Variants in CUX2 observed in about 807,000 individuals in gnomAD.
CUX2 encodes the protein homeobox protein cut-like 2.
In CUX2, 40 loss-of-function variants were observed where a neutral mutation model predicts 144.8. The ratio of observed to expected loss-of-function variants is 0.28; its 90% CI spans 0.21 to 0.36. CUX2 has a LOEUF of 0.36. CUX2 is among the 10% of genes least tolerant of loss of function. The pLI, the probability that CUX2 is intolerant of heterozygous loss-of-function variation, is 1.00. For missense variants in CUX2, 1,615 were observed against 1,994.0 expected, an observed-to-expected ratio of 0.81 and a Z score of 3.62; for synonymous variants, 827 against 875.6, an observed-to-expected ratio of 0.94 and a Z score of 0.98.
chr12:111,237,736 C>T (rs1882829523), intron 3 of CUX2, among the ~76,000 whole-genome samples: 1 of 152,194 alleles, frequency 6.6e-6, no homozygotes, highest in Non-Finnish European at 1.5e-5. Context: ...TGCCTTGCTG[C>T]CCACTTGTGC....
chr12:111,265,053 G>A (rs746890578), intron 4 of CUX2, among the ~76,000 whole-genome samples: 13 of 152,026 alleles, frequency 8.6e-5, no homozygotes, highest in East Asian at 1.9e-4. Flanking sequence ...AATTGTTCAC[G>A]TTAAAATGAT....
At position 111,099,674 on chromosome 12, in the gene CUX2, T is replaced by A. The variant is rs189105526; in HGVS notation, c.63+65434T>A. On this transcript the variant is annotated intron_variant, in intron 1 of 21. Coordinates refer to ENST00000261726, the MANE Select transcript of CUX2 (RefSeq NM_015267.4). ...CTCAGGGGAAGGTGGGGGATGTCTC[T>A]GCCAGCTTTGGGGCTCCCAGTCTCT... 2.0e-3 allele frequency: 917 copies of A among 456,664 alleles called. 1 individual carries two copies. The highest frequency in any genetic ancestry group is 6.3e-3 in the Admixed American group (269 of 42,570). 28.3% of individuals were successfully genotyped at this position (456,664 alleles called of 1,614,324 possible).
intron 1 of CUX2, among the ~76,000 whole-genome samples, chr12:111,167,774 A>T (rs546363997): frequency 6.6e-6 from 1 of 152,260 alleles, no homozygotes; most frequent in East Asian, 1.9e-4. Flanking sequence ...AGCTCACTGC[A>T]ACCTCTGCTT....
At chr12:111,248,409 C>T (rs1340454749) in intron 3 of CUX2, among the ~76,000 whole-genome samples, 1 of 152,172 alleles carries the variant, frequency 6.6e-6, no homozygotes, top group African/African-American at 2.4e-5. Flanking sequence ...GGAACTGAGT[C>T]AGAAGGGCCT....
intron 1 of CUX2, among the ~76,000 whole-genome samples, chr12:111,073,473 C>T (rs139093632): frequency 6.6e-6 from 1 of 152,174 alleles, no homozygotes; most frequent in African/African-American, 2.4e-5. Flanking sequence ...TTGTTCATTA[C>T]TGTCTTTTAG....
In CUX2 at chr12:111,303,221, GAAAAAAAAAAA is replaced by G. The variant is rs5800927; in HGVS notation, c.754-973_754-963del. Among the ~76,000 whole-genome samples the G allele has an allele frequency of 3.4e-4, 17 of 49,392 alleles. 1 individual carries two copies. The South Asian group carries it at 4.2e-3, about 12-fold the overall frequency. The allele number at this position is 49,392 out of a possible 152,430, so 32.4% of individuals were successfully genotyped here. A position where few individuals can be genotyped will look rare whatever the true frequency, so the allele number is the denominator to read the frequency against. ...GGGTGACAGAGCGAGACCCTGTCTC[GAAAAAAAAAAA>G]AAAAAAAAAAAAAAATCGACCATAG... On this transcript the variant is annotated intron_variant, in intron 9 of 21. Transcript: ENST00000261726.
intron 1 of CUX2, among the ~76,000 whole-genome samples, chr12:111,067,010 C>T (rs1284499567): frequency 6.6e-6 from 1 of 152,214 alleles, no homozygotes; most frequent in Non-Finnish European, 1.5e-5. Flanking sequence ...GAGTCTGTTT[C>T]TCATGATAAC....
chr12:111,063,389 G>A (rs1288021629), intron 1 of CUX2, among the ~76,000 whole-genome samples: 1 of 152,178 alleles, frequency 6.6e-6, no homozygotes, highest in Non-Finnish European at 1.5e-5. Context: ...CAGCCTGAGG[G>A]AATGAGTATT....
At position 111,295,531 on chromosome 12, in the gene CUX2, G is replaced by A. The variant is rs144549348; in HGVS notation, c.637+122G>A. On this transcript the variant is annotated intron_variant, in intron 7 of 21. Coordinates refer to ENST00000261726, the MANE Select transcript of CUX2 (RefSeq NM_015267.4). The surrounding 1 kb of genome is among the most constrained non-coding windows in gnomAD (Gnocchi z 5.0). The stretch of plus-strand genomic sequence containing the variant: ...GTTTTAGAATCAAGAGGGCAAAATG[G>A]GAGTTTGGGAAGAATAATCTTACCC... The A allele has an allele frequency of 1.4e-4, 112 of 781,564 alleles. 1 individual carries two copies. In the East Asian group the frequency reaches 2.4e-3, roughly 17 times the overall value. 48.4% of individuals were successfully genotyped at this position (781,564 alleles called of 1,614,324 possible).
intron 1 of CUX2, among the ~76,000 whole-genome samples, chr12:111,174,136 C>T (rs999896970): frequency 3.9e-5 from 6 of 152,174 alleles, no homozygotes; most frequent in African/African-American, 1.2e-4. Flanking sequence ...ATGGGGAGTC[C>T]GGGGAGGTTT....
chr12:111,290,829 G>T (rs1369162031), intron 4 of CUX2, among the ~76,000 whole-genome samples: 1 of 150,458 alleles, frequency 6.6e-6, no homozygotes, highest in Non-Finnish European at 1.5e-5. Context: ...CTCCCAAATT[G>T]CTGGGATTAC....
At chr12:111,189,948 C>T (rs1032167517) in intron 1 of CUX2, among the ~76,000 whole-genome samples, 2 of 152,128 alleles carry the variant, frequency 1.3e-5, no homozygotes, top group African/African-American at 2.4e-5. Flanking sequence ...TCCTCCAGCC[C>T]TGTATGAGGT....
chr12:111,228,828 T>C (rs1418141738), intron 3 of CUX2, among the ~76,000 whole-genome samples: 1 of 152,234 alleles, frequency 6.6e-6, no homozygotes, highest in Admixed American at 6.5e-5. Context: ...CTGTAATCTG[T>C]GACTGGGGCA....
chr12:111,088,619 A>G (rs915819917), intron 1 of CUX2, among the ~76,000 whole-genome samples: 5 of 152,234 alleles, frequency 3.3e-5, no homozygotes, highest in African/African-American at 1.2e-4. Flanking sequence ...GTAGATGGAG[A>G]TGATGTCACC....
intron 1 of CUX2, among the ~76,000 whole-genome samples, chr12:111,042,434 G>A (rs979584036): frequency 1.3e-5 from 2 of 152,026 alleles, no homozygotes; most frequent in African/African-American, 2.4e-5. Context: ...TGTGAGCTGC[G>A]GAATCAAGCC....
chr12:111,306,440 A>C (rs917333383), intron 10 of CUX2, among the ~76,000 whole-genome samples: 11 of 151,766 alleles, frequency 7.2e-5, no homozygotes, highest in Non-Finnish European at 4.4e-5. Flanking sequence ...CAGAGGGTCC[A>C]TTTCCTAAAA....
chr12:111,062,437 C>T (rs559310395), intron 1 of CUX2, among the ~76,000 whole-genome samples: 1 of 152,342 alleles, frequency 6.6e-6, no homozygotes, highest in South Asian at 2.1e-4. Context: ...CTGTGTGGCC[C>T]CATTCACAGA....
chr12:111,316,739 C>T (rs1326686253), intron 16 of CUX2, among the ~76,000 whole-genome samples: 1 of 152,090 alleles, frequency 6.6e-6, no homozygotes. Context: ...CGTGAACCAC[C>T]ACGCCCGGCC....
chr12:111,231,313 G>A (rs113182037), intron 3 of CUX2, among the ~76,000 whole-genome samples: 1 of 151,786 alleles, frequency 6.6e-6, no homozygotes, highest in Non-Finnish European at 1.5e-5. Context: ...TTGTCCTTTC[G>A]TGACTGGCTT....
Sources: gnomAD v4.1 joint callset for allele counts (sites outside exome capture counted in the v4.1 genomes callset) on GRCh38, gnomAD v4.1.1 for gene constraint, Gnocchi (gnomAD v3.1) non-coding constraint, MANE v1.5 for transcripts, NCBI Gene and HGNC (gene_info 2026-07-23, HGNC 2026-07-21) for gene names.